The following SLC6A15 variants were observed in gnomAD, a reference collection of about 807,000 sequenced individuals.
SLC6A15 encodes sodium-dependent neutral amino acid transporter B(0)AT2.
SLC6A15 carries 33 observed loss-of-function variants against 68.5 expected under a neutral mutation model. The ratio of observed to expected loss-of-function variants is 0.48; its 90% CI spans 0.37 to 0.64. The LOEUF (loss-of-function observed/expected upper bound fraction) is 0.64. SLC6A15 is among the 30% of genes least tolerant of loss of function. SLC6A15 has a pLI of 0.00. For missense variants in SLC6A15, 747 were observed against 874.3 expected, an observed-to-expected ratio of 0.85 and a Z score of 1.84; for synonymous variants, 347 against 301.0, an observed-to-expected ratio of 1.15 and a Z score of -1.58.
At chr12:84,909,439 A>G (rs1392438361) in intron 1 of SLC6A15, among the ~76,000 whole-genome samples, 1 of 152,198 alleles carries the variant, frequency 6.6e-6, no homozygotes, top group Non-Finnish European at 1.5e-5. Flanking sequence ...AGAGATGATC[A>G]TTACTGGTCA....
intron 1 of SLC6A15, among the ~76,000 whole-genome samples, chr12:84,909,694 G>C (rs1415088333): frequency 6.6e-6 from 1 of 152,050 alleles, no homozygotes; most frequent in East Asian, 1.9e-4. Context: ...TATGTATGTA[G>C]TAATAAAGAA....
intron 10 of SLC6A15, among the ~76,000 whole-genome samples, chr12:84,865,616 A>G (rs1052580922): frequency 5.9e-5 from 9 of 152,222 alleles, no homozygotes; most frequent in African/African-American, 2.2e-4. Context: ...CAGCGTATAC[A>G]TCCCTGGATC....
At chr12:84,897,799 A>G (rs965183528) in intron 1 of SLC6A15, among the ~76,000 whole-genome samples, 1 of 152,188 alleles carries the variant, frequency 6.6e-6, no homozygotes, top group Non-Finnish European at 1.5e-5. Flanking sequence ...GAAAGACTAC[A>G]TAATCATAAA....
At chr12:84,882,208 T>C in intron 5 of SLC6A15, 1 of 985,388 alleles carries the variant, frequency 1.0e-6, no homozygotes. Context: ...GTTGGTTTTC[T>C]TTCTACCAAA....
rs770111243 is a variant in SLC6A15, at chr12:84,876,629, AAT to A, written c.757-24_757-23del. On this transcript the variant is annotated intron_variant, in intron 5 of 11. Transcript: ENST00000266682. The stretch of plus-strand genomic sequence containing the variant: ...TGATCTGCAAAGAAATAAAAATAAA[AAT>A]AAGTGAGATACAATGACCATTTTTT... The A allele has an allele frequency of 2.4e-6, 3 of 1,243,376 alleles. No homozygotes were observed. The African/African-American group carries it at 4.6e-5, about 19-fold the overall frequency. 77.0% of individuals were successfully genotyped at this position (1,243,376 alleles called of 1,614,324 possible).
chr12:84,868,697 C>T (rs1313105016), intron 9 of SLC6A15, among the ~76,000 whole-genome samples: 1 of 152,142 alleles, frequency 6.6e-6, no homozygotes, highest in Non-Finnish European at 1.5e-5. Flanking sequence ...TTTGAAGTAT[C>T]AGTATGATCC....
In SLC6A15 at chr12:84,863,556, T is replaced by A; in HGVS notation, c.1701A>T (p.Arg567Ser). The A allele has an allele frequency of 6.3e-7, 1 of 1,589,356 alleles. No homozygotes were observed. The highest frequency in any genetic ancestry group is 8.5e-7 in the Non-Finnish European group (1 of 1,171,812). ...LKDMLGFAPSRYYYYMWKYIS... is the reference protein window; with the variant it reads ...LKDMLGFAPSSYYYYMWKYIS... Reference sequence around the variant, plus strand: ...TATATTTCCACATATAGTAGTAATATCTGCTGGGAGCAAAGCCCAGCATAT... The same window carrying A: ...TATATTTCCACATATAGTAGTAATAACTGCTGGGAGCAAAGCCCAGCATAT... The change falls in exon 11 of 12, where the codon AGA becomes AGT. Residue 567 changes from arginine (R) to serine (S), a missense_variant. Physicochemically the swap from Arg to Ser is moderately radical, Grantham distance 110. Coordinates refer to ENST00000266682, the MANE Select transcript of SLC6A15 (RefSeq NM_182767.6).
At chr12:84,890,097 C>T (rs976741357) in intron 2 of SLC6A15, among the ~76,000 whole-genome samples, 1 of 152,124 alleles carries the variant, frequency 6.6e-6, no homozygotes, top group African/African-American at 2.4e-5. Flanking sequence ...ATGGTGAGTA[C>T]AATCTTTGGT....
intron 1 of SLC6A15, among the ~76,000 whole-genome samples, chr12:84,908,419 CAG>C (rs1299372859): frequency 6.6e-6 from 1 of 151,694 alleles, no homozygotes; most frequent in Non-Finnish European, 1.5e-5. Context: ...CAACAAAAAT[CAG>C]GGGGTCGTCA....
At chr12:84,886,199 C>G in intron 2 of SLC6A15, 131 bp from the exon 3 acceptor site, 1 of 489,134 alleles carries the variant, frequency 2.0e-6, no homozygotes, top group Non-Finnish European at 3.4e-6. Context: ...GAAGAAGACA[C>G]AATTTCATTA....
intron 1 of SLC6A15, among the ~76,000 whole-genome samples, chr12:84,909,368 C>G (rs1194423015): frequency 1.3e-5 from 2 of 152,148 alleles, no homozygotes; most frequent in Non-Finnish European, 2.9e-5. Flanking sequence ...TCAAGTGATA[C>G]TCTGCATTTG....
chr12:84,874,422 C>G (rs978322612), intron 6 of SLC6A15: 1 of 152,156 alleles, frequency 6.6e-6, no homozygotes, highest in Non-Finnish European at 1.5e-5. Flanking sequence ...TCATTTAGTA[C>G]TCACAACAAC....
chr12:84,893,844 C>T (rs993589803), intron 1 of SLC6A15, among the ~76,000 whole-genome samples: 1 of 152,108 alleles, frequency 6.6e-6, no homozygotes, highest in Admixed American at 6.6e-5. Context: ...AAACACTTCT[C>T]GTTTAGGATT....
intron 9 of SLC6A15, among the ~76,000 whole-genome samples, chr12:84,869,654 T>A (rs1352153372): frequency 1.3e-5 from 2 of 152,132 alleles, no homozygotes; most frequent in African/African-American, 4.8e-5. Context: ...AGCTATCCTC[T>A]GACCCTTGAG....
intron 10 of SLC6A15, among the ~76,000 whole-genome samples, chr12:84,866,459 T>C (rs1162595118): frequency 6.6e-6 from 1 of 152,172 alleles, no homozygotes; most frequent in Non-Finnish European, 1.5e-5. Flanking sequence ...AAAAATAATG[T>C]TTCTGTGCAG....
intron 5 of SLC6A15, among the ~76,000 whole-genome samples, chr12:84,878,779 T>A (rs978212391): frequency 2.6e-5 from 4 of 151,962 alleles, no homozygotes; most frequent in African/African-American, 9.7e-5. Context: ...CTTCCTCAAA[T>A]CCCATAAACC....
rs993376522 is a variant in SLC6A15, at chr12:84,861,427, G to T, written c.*205C>A. ...ATGTACCTCAGCCCTCCTAAGATTT[G>T]TCTGCAATCCTTTCTGCACAAATGT... On this transcript the variant is annotated 3_prime_UTR_variant, in exon 12 of 12. Coordinates refer to ENST00000266682, the MANE Select transcript of SLC6A15 (RefSeq NM_182767.6). 1 of 490,602 alleles carries T rather than the reference G, an allele frequency of 2.0e-6. No homozygotes were observed. Among genetic ancestry groups the T allele is most frequent in the Non-Finnish European group, 3.4e-6 (1 of 293,984 alleles). The allele number at this position is 490,602 out of a possible 1,614,324, so 30.4% of individuals were successfully genotyped here.
Position 84,861,864 on chromosome 12 carries a change from G to T in SLC6A15, c.1961C>A (p.Ser654Tyr), listed in dbSNP as rs1259326281. 6.2e-7 allele frequency: 1 copy of T among 1,613,894 alleles called. No homozygotes were observed. Among genetic ancestry groups the T allele is most frequent in the Non-Finnish European group, 8.5e-7 (1 of 1,179,912 alleles). The stretch of plus-strand genomic sequence containing the variant: ...GACCCTTCCTCTCTTATAGGTCACA[G>T]ATGCTAAATTACCAGAACTATCATC... ...LIDDSSGNLA[S>Y]VTYKRGRVLK... Residue 654 changes from serine to tyrosine, a missense_variant, in exon 12 of 12, where the codon TCT (serine) becomes TAT (tyrosine). Transcript: ENST00000266682.
intron 11 of SLC6A15, among the ~76,000 whole-genome samples, chr12:84,863,116 T>C (rs1322586350): frequency 6.6e-6 from 1 of 152,148 alleles, no homozygotes; most frequent in African/African-American, 2.4e-5. Context: ...TAAATTCATA[T>C]ATTAAAATAT....
Sources: gnomAD v4.1 joint callset for allele counts (sites outside exome capture counted in the v4.1 genomes callset) on GRCh38, gnomAD v4.1.1 for gene constraint, MANE v1.5 for transcripts, NCBI Gene and HGNC (gene_info 2026-07-23, HGNC 2026-07-21) for gene names.